STK17A: variants seen among roughly 807,000 people sequenced by gnomAD.
STK17A encodes the protein serine/threonine-protein kinase 17A.
Under a neutral mutation model 43.7 loss-of-function variants are expected in STK17A, and 26 were observed. The observed-to-expected ratio is 0.60, with a 90% CI of 0.44 to 0.83. The LOEUF (loss-of-function observed/expected upper bound fraction) is 0.83. Among genes scored for constraint, STK17A ranks in the 40% least tolerant of loss-of-function variants. The probability of loss-of-function intolerance (pLI) is 0.00; values close to 1 mark genes in which losing one functional copy is unlikely to be tolerated. For synonymous variants in STK17A, 191 were observed against 182.5 expected (o/e 1.05, Z -0.38); for missense variants, 476 against 511.6 (o/e 0.93, Z 0.67).
At chr7:43,584,720 C>G (rs2082426939) in intron 1 of STK17A, among the ~76,000 whole-genome samples, 1 of 152,116 alleles carries the variant, frequency 6.6e-6, no homozygotes. Context: ...CAAAGTCTTA[C>G]TTATTCCTAA....
intron 3 of STK17A, chr7:43,609,787 G>C (rs553890472): frequency 6.6e-6 from 1 of 152,458 alleles, no homozygotes; most frequent in African/African-American, 2.4e-5. Flanking sequence ...CGAAGCCTCT[G>C]GACCACCCCC....
At chr7:43,596,695 A>C (rs540799864) in intron 2 of STK17A, among the ~76,000 whole-genome samples, 2 of 151,936 alleles carry the variant, frequency 1.3e-5, no homozygotes, top group African/African-American at 4.8e-5. Context: ...GGTGAAACCC[A>C]GTCTCTACTA....
rs774178293 is a variant in STK17A, at chr7:43,596,066, A to G, written c.372A>G (p.Leu124=). 2.0e-5 allele frequency: 32 copies of G among 1,613,414 alleles called. No homozygotes were observed. The South Asian group carries it at 3.5e-4, about 18-fold the overall frequency. The change falls in exon 2 of 7, where the codon TTA becomes TTG. Residue 124 remains leucine, a synonymous_variant. Coordinates refer to ENST00000319357, the MANE Select transcript of STK17A (RefSeq NM_004760.3). ...LAQDNPWVIN[L]HEVYETASEM... is the part of the protein sequence containing the mutation. ...AAGACAATCCTTGGGTCATTAATTT[A>G]CATGAAGTTTATGAGACTGCATCAG...
chr7:43,621,304 G>A lies in STK17A; in HGVS notation c.691+1581G>A, dbSNP rs370393180. On this transcript the variant is annotated intron_variant, in intron 4 of 6. Transcript: ENST00000319357. ...TCATGACCACTAAGTTAGTTTTGGGGATGTGACTTAATAGTGTTTCTTTAG... is the reference window on the plus strand; with the variant it reads ...TCATGACCACTAAGTTAGTTTTGGGAATGTGACTTAATAGTGTTTCTTTAG... Among the ~76,000 whole-genome samples, 10 of 152,310 alleles carry A rather than the reference G, an allele frequency of 6.6e-5. No individual in the cohort carries two copies. In the East Asian group the frequency reaches 1.7e-3, roughly 26 times the overall value.
chr7:43,600,771 G>A (rs1460928138), intron 2 of STK17A, among the ~76,000 whole-genome samples: 1 of 152,038 alleles, frequency 6.6e-6, no homozygotes, highest in Middle Eastern at 3.2e-3. Flanking sequence ...TACATAATGG[G>A]GTCTCACTAT....
intron 2 of STK17A, among the ~76,000 whole-genome samples, chr7:43,599,052 A>G (rs1020487560): frequency 6.6e-6 from 1 of 152,236 alleles, no homozygotes; most frequent in Non-Finnish European, 1.5e-5. Context: ...GGCATCAGCC[A>G]CCAGGCCTGG....
Position 43,610,540 on chromosome 7 carries a change from G to A in STK17A, c.564+2140G>A, listed in dbSNP as rs373177586. ...AAATTAGCCAAGTGTGGTGGCGCAC[G>A]CCTATAGTCCCAGCTACTCCAGAGG... On this transcript the variant is annotated intron_variant, in intron 3 of 6. Transcript: ENST00000319357. 3.0e-4 allele frequency among the ~76,000 whole-genome samples: 45 copies of A among 151,666 alleles called. No homozygotes were observed. The South Asian group carries it at 8.3e-3, about 28-fold the overall frequency.
intron 2 of STK17A, among the ~76,000 whole-genome samples, chr7:43,596,846 C>T (rs1199018807): frequency 4.7e-5 from 6 of 128,624 alleles, no homozygotes; most frequent in Non-Finnish European, 9.4e-5. Context: ...CTAACCTGGG[C>T]GACAAAGTGA....
chr7:43,596,712 C>A (rs13438571), intron 2 of STK17A, among the ~76,000 whole-genome samples: 2 of 151,582 alleles, frequency 1.3e-5, no homozygotes, highest in African/African-American at 4.8e-5. Context: ...ACTACAAATA[C>A]AAAAAATTAG....
At position 43,606,916 on chromosome 7, in the gene STK17A, C is replaced by CTTTTTTT. The variant is rs71011933; in HGVS notation, c.420-1322_420-1316dup. Among the ~76,000 whole-genome samples, 543 of 62,508 alleles carry CTTTTTTT rather than the reference C, an allele frequency of 8.7e-3. 7 individuals are homozygous for CTTTTTTT. Among genetic ancestry groups the CTTTTTTT allele is most frequent in the East Asian group, 0.024 (33 of 1,400 alleles). 41.0% of individuals were successfully genotyped at this position (62,508 alleles called of 152,430 possible). A position where few individuals can be genotyped will look rare whatever the true frequency, so the allele number is the denominator to read the frequency against. ...TCACTCAATCTAGCTTTTCGATTTT[C>CTTTTTTT]TTTTTTTTTTTTTTTTTTTTTTTTG... On this transcript the variant is annotated intron_variant, in intron 2 of 6. Coordinates refer to ENST00000319357, the MANE Select transcript of STK17A (RefSeq NM_004760.3).
chr7:43,592,009 G>A (rs1005990628), intron 1 of STK17A, among the ~76,000 whole-genome samples: 5 of 151,656 alleles, frequency 3.3e-5, no homozygotes, highest in Middle Eastern at 3.4e-3. Context: ...TTTGAGGGCC[G>A]TTCTACTGAG....
At chr7:43,616,365 T>G (rs1333011157) in intron 3 of STK17A, among the ~76,000 whole-genome samples, 1 of 152,188 alleles carries the variant, frequency 6.6e-6, no homozygotes, top group African/African-American at 2.4e-5. Flanking sequence ...TAACACAAAA[T>G]AGACACCCTG....
intron 2 of STK17A, among the ~76,000 whole-genome samples, chr7:43,606,212 T>C (rs528327711): frequency 1.3e-5 from 2 of 152,316 alleles, no homozygotes; most frequent in South Asian, 2.1e-4. Context: ...GGATGGAGCA[T>C]AGGGCCTAAC....
intron 4 of STK17A, 153 bp from the exon 5 acceptor site, chr7:43,623,419 A>G: frequency 1.6e-6 from 1 of 640,992 alleles, no homozygotes; most frequent in South Asian, 1.9e-5. Context: ...GTTAGGCTTT[A>G]TATTAATTCA....
In STK17A at chr7:43,607,647, C is replaced by CAAAAAAA. The variant is rs760624386; in HGVS notation, c.420-593_420-587dup. ...CTGGTGACAGAGCAAGACTCCGTCT[C>CAAAAAAA]AAAAAAAAAAAAAAAAAAAAAAGCA... On this transcript the variant is annotated intron_variant, in intron 2 of 6. Coordinates refer to ENST00000319357, the MANE Select transcript of STK17A (RefSeq NM_004760.3). 1.6e-3 allele frequency among the ~76,000 whole-genome samples: 85 copies of CAAAAAAA among 54,234 alleles called. 2 individuals carry two copies. The highest frequency in any genetic ancestry group is 2.1e-3 in the Non-Finnish European group (60 of 28,202). The allele number at this position is 54,234 out of a possible 152,430, so 35.6% of individuals were successfully genotyped here. A position where few individuals can be genotyped will look rare whatever the true frequency, so the allele number is the denominator to read the frequency against.
rs181735750 is a variant in STK17A, at chr7:43,610,162, C to T, written c.564+1762C>T. On this transcript the variant is annotated intron_variant, in intron 3 of 6. Transcript: ENST00000319357. ...GAGATCGAGACCATCCTGGCTAACACGGTGAAACCCTGTCTGTAGTAAAAA... is the reference window on the plus strand; with the variant it reads ...GAGATCGAGACCATCCTGGCTAACATGGTGAAACCCTGTCTGTAGTAAAAA... Among the ~76,000 whole-genome samples the T allele has an allele frequency of 3.4e-4, 51 of 151,708 alleles. 1 individual carries two copies. Among genetic ancestry groups the T allele is most frequent in the African/African-American group, 6.3e-4 (26 of 41,342 alleles).
chr7:43,610,674 G>T (rs1390337088), intron 3 of STK17A, among the ~76,000 whole-genome samples: 1 of 151,936 alleles, frequency 6.6e-6, no homozygotes, highest in East Asian at 1.9e-4. Flanking sequence ...CTCAAAAAAA[G>T]AACTGCTATA....
chr7:43,623,884 C>A lies in STK17A; in HGVS notation c.916C>A (p.Pro306Thr), dbSNP rs1297061625. Reference sequence around the variant, plus strand: ...CATCAGGACACTTTTAGTTAAGAAACCTGAGTAAGTATTATTTTTATTAGT... The same window carrying A: ...CATCAGGACACTTTTAGTTAAGAAAACTGAGTAAGTATTATTTTTATTAGT... Reference protein sequence around the residue: ...DFIRTLLVKKPEDRATAEECL... With the variant: ...DFIRTLLVKKTEDRATAEECL... Residue 306 changes from proline to threonine, a missense_variant, in exon 6 of 7, where the codon CCT becomes ACT. Coordinates refer to ENST00000319357, the MANE Select transcript of STK17A (RefSeq NM_004760.3). The A allele has an allele frequency of 6.6e-7, 1 of 1,523,166 alleles. No homozygotes were observed. Among genetic ancestry groups the A allele is most frequent in the African/African-American group, 1.4e-5 (1 of 71,584 alleles). The allele number at this position is 1,523,166 out of a possible 1,614,324, so 94.4% of individuals were successfully genotyped here. A position where few individuals can be genotyped will look rare whatever the true frequency, so the allele number is the denominator to read the frequency against.
Position 43,623,625 on chromosome 7 carries a change from G to C in STK17A, c.740+5G>C. On this transcript the variant is annotated splice_donor_5th_base_variant and intron_variant, in intron 5 of 6. Transcript: ENST00000319357. ...AAGCATGGCAACAGATATGTGGTAA[G>C]AGTTATTAATGAAAAATTGATCAAA... 1 of 1,610,018 alleles carries C rather than the reference G, an allele frequency of 6.2e-7. No homozygotes were observed. Among genetic ancestry groups the C allele is most frequent in the Non-Finnish European group, 8.5e-7 (1 of 1,178,620 alleles).
Sources: gnomAD v4.1 joint callset for allele counts (sites outside exome capture counted in the v4.1 genomes callset) on GRCh38, gnomAD v4.1.1 for gene constraint, MANE v1.5 for transcripts, NCBI Gene and HGNC (gene_info 2026-07-23, HGNC 2026-07-21) for gene names.